The following CASQ2 variants were observed in gnomAD, a reference collection of about 807,000 sequenced individuals.
CASQ2 encodes calsequestrin 2.
CASQ2 carries 49 observed loss-of-function variants against 46.5 expected under a neutral mutation model. That is an observed-to-expected ratio of 1.05 (90% CI 0.84 to 1.34). The LOEUF is 1.34. Among genes scored for constraint, CASQ2 ranks in the 40% most tolerant of loss-of-function variants. CASQ2 has a pLI of 0.00. For missense variants in CASQ2, 486 were observed against 481.3 expected, an observed-to-expected ratio of 1.01 and a Z score of -0.09; for synonymous variants, 174 against 168.5, an observed-to-expected ratio of 1.03 and a Z score of -0.25.
intron 3 of CASQ2, among the ~76,000 whole-genome samples, chr1:115,739,932 A>C (rs1285470004): frequency 6.6e-6 from 1 of 152,184 alleles, no homozygotes; most frequent in Non-Finnish European, 1.5e-5. Context: ...TTTTTAGGGC[A>C]TGTGGGTGTG....
intron 8 of CASQ2, among the ~76,000 whole-genome samples, chr1:115,713,718 C>T (rs550926571): frequency 2.6e-5 from 4 of 152,296 alleles, no homozygotes; most frequent in Admixed American, 1.3e-4. Flanking sequence ...TTCTCACCTC[C>T]GCCTGCTCTG....
Position 115,744,890 on chromosome 1 carries a change from T to C in CASQ2, c.257A>G (p.His86Arg), listed in dbSNP as rs372587044. 2.5e-6 allele frequency: 4 copies of C among 1,613,616 alleles called. No homozygotes were observed. The highest frequency in any genetic ancestry group is 3.4e-6 in the Non-Finnish European group (4 of 1,179,766). Residue 86 changes from histidine to arginine, a missense_variant, in exon 2 of 11, where the codon CAT becomes CGT. Coordinates refer to ENST00000261448, the MANE Select transcript of CASQ2 (RefSeq NM_001232.4). ...CACCATCACAAAGCCTATAGCTTTATGTTCAAGGACCTGGGCCACAAGCTG... is the reference window on the plus strand; with the variant it reads ...CACCATCACAAAGCCTATAGCTTTACGTTCAAGGACCTGGGCCACAAGCTG... ...VLELVAQVLE[H>R]KAIGFVMVDA...
At chr1:115,744,150 A>AAAAAAAG (rs1553195747) in intron 2 of CASQ2, among the ~76,000 whole-genome samples, 1 of 151,992 alleles carries the variant, frequency 6.6e-6, no homozygotes, top group African/African-American at 2.4e-5. Flanking sequence ...TCAAAAAAAA[A>AAAAAAAG]AAAAAAAGAA....
At chr1:115,764,215 G>T (rs1286593708) in intron 1 of CASQ2, among the ~76,000 whole-genome samples, 1 of 152,074 alleles carries the variant, frequency 6.6e-6, no homozygotes, top group Non-Finnish European at 1.5e-5. Context: ...TCTAAAAATT[G>T]TGTCAAGATC....
intron 1 of CASQ2, among the ~76,000 whole-genome samples, chr1:115,761,446 A>G (rs1441218089): frequency 5.5e-3 from 52 of 9,442 alleles, no homozygotes; most frequent in South Asian, 0.015. Context: ...AAGAAAGAAG[A>G]AGAAGAAGAA....
chr1:115,749,004 A>G (rs1285435830), intron 1 of CASQ2, among the ~76,000 whole-genome samples: 1 of 152,202 alleles, frequency 6.6e-6, no homozygotes. Context: ...TATAAACCAC[A>G]CTACCACACC....
intron 7 of CASQ2, among the ~76,000 whole-genome samples, chr1:115,724,316 T>C (rs188317070): frequency 6.6e-6 from 1 of 152,354 alleles, no homozygotes; most frequent in East Asian, 1.9e-4. Flanking sequence ...GTTTGTTTGT[T>C]TGGGGAGACA....
In CASQ2 at chr1:115,759,495, G is replaced by A. The variant is rs138222047; in HGVS notation, c.234+8813C>T. 2.0e-3 allele frequency among the ~76,000 whole-genome samples: 311 copies of A among 152,208 alleles called. 1 individual carries two copies. Among genetic ancestry groups the A allele is most frequent in the African/African-American group, 7.1e-3 (294 of 41,518 alleles). On this transcript the variant is annotated intron_variant, in intron 1 of 10. Transcript: ENST00000261448. ...TTTCTGCCATGAGTTGAAGCAGCAC[G>A]AGGCCTTCACCAGATGCAGCTGCCA...
intron 9 of CASQ2, among the ~76,000 whole-genome samples, chr1:115,704,340 T>C (rs1400545735): frequency 3.3e-5 from 5 of 152,240 alleles, no homozygotes; most frequent in Non-Finnish European, 5.9e-5. Context: ...TTTAGCATCA[T>C]GTAGACCTAG....
intron 8 of CASQ2, among the ~76,000 whole-genome samples, chr1:115,705,758 AC>A (rs1340857713): frequency 6.6e-6 from 1 of 152,032 alleles, no homozygotes; most frequent in Non-Finnish European, 1.5e-5. Flanking sequence ...TTCAAACCAA[AC>A]GAGCTTCTGA....
chr1:115,745,257 G>A (rs1412837273), intron 1 of CASQ2, among the ~76,000 whole-genome samples: 2 of 152,156 alleles, frequency 1.3e-5, no homozygotes, highest in Non-Finnish European at 1.5e-5. Context: ...CCTGACAAGG[G>A]GCCCTGAGCC....
intron 8 of CASQ2, among the ~76,000 whole-genome samples, chr1:115,716,498 C>A (rs1466811046): frequency 6.6e-6 from 1 of 152,044 alleles, no homozygotes; most frequent in Non-Finnish European, 1.5e-5. Context: ...GGCTAGATGG[C>A]AAAATAGGTA....
At chr1:115,748,229 T>A (rs902236145) in intron 1 of CASQ2, among the ~76,000 whole-genome samples, 1 of 152,232 alleles carries the variant, frequency 6.6e-6, no homozygotes, top group Non-Finnish European at 1.5e-5. Flanking sequence ...CTTTGATATC[T>A]TCTTCATTTT....
At chr1:115,716,327 C>T (rs1388516563) in intron 8 of CASQ2, among the ~76,000 whole-genome samples, 1 of 152,176 alleles carries the variant, frequency 6.6e-6, no homozygotes, top group Non-Finnish European at 1.5e-5. Context: ...GTTACCCATC[C>T]ATTTACAGGG....
chr1:115,706,137 T>C (rs1471237672), intron 8 of CASQ2, among the ~76,000 whole-genome samples: 1 of 151,776 alleles, frequency 6.6e-6, no homozygotes, highest in African/African-American at 2.4e-5. Flanking sequence ...AAACTGTGCC[T>C]GTGTGTGTGT....
chr1:115,732,233 C>T (rs1647813016), intron 5 of CASQ2: 1 of 152,506 alleles, frequency 6.6e-6, no homozygotes, highest in Non-Finnish European at 1.5e-5. Context: ...ACACTTAATA[C>T]ATGATAGCTT....
chr1:115,763,760 T>C (rs925733790), intron 1 of CASQ2, among the ~76,000 whole-genome samples: 17 of 152,174 alleles, frequency 1.1e-4, no homozygotes, highest in African/African-American at 3.9e-4. Flanking sequence ...TCTCAAGCAC[T>C]TCAACCTGAG....
At chr1:115,740,306 T>A (rs7551518) in intron 3 of CASQ2, among the ~76,000 whole-genome samples, 2 of 152,024 alleles carry the variant, frequency 1.3e-5, no homozygotes, top group Non-Finnish European at 1.5e-5. Context: ...TTTAGCTCTG[T>A]CACTTCTCTA....
chr1:115,737,435 G>A (rs377491741), intron 4 of CASQ2, among the ~76,000 whole-genome samples: 2 of 152,146 alleles, frequency 1.3e-5, no homozygotes, highest in Admixed American at 1.3e-4. Flanking sequence ...TACTTCCTAC[G>A]TGTATGAATG....
Sources: gnomAD v4.1 joint callset for allele counts (sites outside exome capture counted in the v4.1 genomes callset) on GRCh38, gnomAD v4.1.1 for gene constraint, MANE v1.5 for transcripts, NCBI Gene and HGNC (gene_info 2026-07-23, HGNC 2026-07-21) for gene names.